RUVBL1: variants seen among roughly 807,000 people sequenced by gnomAD.
The protein encoded by RUVBL1 is ruvB-like 1.
A neutral mutation model predicts 52.4 loss-of-function variants in RUVBL1; 4 were observed. That is an observed-to-expected ratio of 0.08 (90% confidence interval 0.04 to 0.17). RUVBL1 has a LOEUF of 0.17. Ranked by LOEUF, RUVBL1 falls within the 10% of genes least tolerant of loss-of-function variation. The probability of loss-of-function intolerance (pLI) is 1.00; values close to 1 mark genes in which losing one functional copy is unlikely to be tolerated. For synonymous variants in RUVBL1, 217 were observed against 214.4 expected, an observed-to-expected ratio of 1.01 and a Z score of -0.10; for missense variants, 298 against 572.8, an observed-to-expected ratio of 0.52 and a Z score of 4.90.
intron 9 of RUVBL1, chr3:128,065,299 T>C (rs1941932758): frequency 3.3e-6 from 2 of 597,276 alleles, no homozygotes; most frequent in Non-Finnish European, 6.0e-6. Context: ...TATCGACAGG[T>C]AAGATACATT....
chr3:128,116,170 A>G (rs1186679565), intron 2 of RUVBL1, among the ~76,000 whole-genome samples: 1 of 151,674 alleles, frequency 6.6e-6, no homozygotes, highest in African/African-American at 2.4e-5. Context: ...ACAAACAAAA[A>G]CATTACAATT....
intron 1 of RUVBL1, among the ~76,000 whole-genome samples, chr3:128,135,270 T>G (rs749165873): frequency 1.2e-3 from 179 of 152,342 alleles, no homozygotes; most frequent in Middle Eastern, 6.8e-3. Context: ...TGGTGGCTCA[T>G]GCCTGTAATC....
intron 3 of RUVBL1, among the ~76,000 whole-genome samples, chr3:128,107,212 C>T (rs752298547): frequency 6.6e-6 from 1 of 152,214 alleles, no homozygotes; most frequent in Non-Finnish European, 1.5e-5. Flanking sequence ...TAATGAATCA[C>T]GCCCTGGCTG....
intron 9 of RUVBL1, among the ~76,000 whole-genome samples, chr3:128,072,237 ACTCTCCCCAGTCCTGGACAGGGC>A (rs557874464): frequency 4.0e-4 from 60 of 150,974 alleles, no homozygotes; most frequent in African/African-American, 1.4e-3. Context: ...CCACATTTCC[ACTCTCCCCAGTCCTGGACAGGGC>A]CTCACCCCAA....
chr3:128,087,143 G>A (rs1027916500), intron 9 of RUVBL1, among the ~76,000 whole-genome samples: 1 of 152,256 alleles, frequency 6.6e-6, no homozygotes, highest in African/African-American at 2.4e-5. Context: ...CAAAGCTGCC[G>A]AGAAACTTGT....
intron 9 of RUVBL1, chr3:128,069,776 C>T (rs1377220391): frequency 9.5e-6 from 9 of 949,034 alleles, no homozygotes; most frequent in Admixed American, 7.3e-5. Flanking sequence ...TTTTGAATTT[C>T]GTATTCTTTC....
In RUVBL1 at chr3:128,081,879, A is replaced by T. The variant is rs367984040; in HGVS notation, c.1212-470T>A. 6.1e-6 allele frequency: 1 copy of T among 164,144 alleles called. No homozygotes were observed. Among genetic ancestry groups the T allele is most frequent in the East Asian group, 1.7e-4 (1 of 5,814 alleles). The allele number at this position is 164,144 out of a possible 1,614,324, so 10.2% of individuals were successfully genotyped here. ...AGCTTGCATTTCTGCCTTCAACCTC[A>T]GGAGCAAGAACTGACTCAAGGGATG... On this transcript the variant is annotated intron_variant, in intron 10 of 10. Transcript: ENST00000322623. The surrounding 1 kb of genome is among the most constrained non-coding windows in gnomAD (Gnocchi z 4.8).
chr3:128,147,173 G>C (rs1332005881), intron 1 of RUVBL1, among the ~76,000 whole-genome samples: 1 of 152,132 alleles, frequency 6.6e-6, no homozygotes, highest in Non-Finnish European at 1.5e-5. Context: ...GGGGTCAAGG[G>C]ATCCGCGCAC....
intron 1 of RUVBL1, among the ~76,000 whole-genome samples, chr3:128,134,307 A>G (rs762195011): frequency 6.6e-6 from 1 of 151,862 alleles, no homozygotes; most frequent in Non-Finnish European, 1.5e-5. Flanking sequence ...TACTAAAAAT[A>G]CAAATGTTAC....
chr3:128,095,119 G>T (rs113911300), intron 8 of RUVBL1, among the ~76,000 whole-genome samples: 6 of 152,320 alleles, frequency 3.9e-5, no homozygotes, highest in African/African-American at 1.4e-4. Flanking sequence ...CAAATCTCCC[G>T]GGTCTCAGGC....
At chr3:128,141,295 C>G (rs529887832) in intron 1 of RUVBL1, among the ~76,000 whole-genome samples, 42 of 152,304 alleles carry the variant, frequency 2.8e-4, no homozygotes, top group South Asian at 1.5e-3. Flanking sequence ...CCTTACCTCA[C>G]AAAATGTCCC....
At chr3:128,068,493 TAG>T (rs1359412809) in intron 9 of RUVBL1, 1 of 168,292 alleles carries the variant, frequency 5.9e-6, no homozygotes, top group Admixed American at 5.8e-5. Flanking sequence ...GCATTAAGGC[TAG>T]AGAGGCTGGC....
intron 4 of RUVBL1, among the ~76,000 whole-genome samples, chr3:128,103,694 A>T (rs1407815970): frequency 6.6e-6 from 1 of 152,248 alleles, no homozygotes; most frequent in Non-Finnish European, 1.5e-5. Context: ...CAGCTCTGCC[A>T]CATGACTGGC....
chr3:128,109,348 C>A (rs1377458690), intron 3 of RUVBL1, among the ~76,000 whole-genome samples: 2 of 152,128 alleles, frequency 1.3e-5, no homozygotes, highest in African/African-American at 2.4e-5. Flanking sequence ...GAGTTCGAGA[C>A]CACCTGGGCA....
intron 9 of RUVBL1, chr3:128,066,950 T>C: frequency 1.2e-6 from 2 of 1,614,144 alleles, no homozygotes; most frequent in Non-Finnish European, 1.7e-6. Flanking sequence ...GTTTGGCTTC[T>C]CAGGGCTTCC....
chr3:128,144,922 A>G (rs560247990), intron 1 of RUVBL1, among the ~76,000 whole-genome samples: 1 of 152,306 alleles, frequency 6.6e-6, no homozygotes, highest in East Asian at 1.9e-4. Context: ...GCAGGGGCAC[A>G]TGACTTCATC....
chr3:128,124,570 A>T (rs141384838), upstream of RUVBL1, among the ~76,000 whole-genome samples: 2 of 152,294 alleles, frequency 1.3e-5, no homozygotes, highest in African/African-American at 4.8e-5. Flanking sequence ...TTTCATAATG[A>T]TATTAGCACA....
Position 128,072,914 on chromosome 3 carries a change from A to AT in RUVBL1, c.940-7695dup, listed in dbSNP as rs140960491. Among the ~76,000 whole-genome samples the AT allele has an allele frequency of 7.3e-3, 1,105 of 152,230 alleles. 8 individuals carry two copies. The highest frequency in any genetic ancestry group is 0.014 in the Middle Eastern group (4 of 294). On this transcript the variant is annotated intron_variant, in intron 9 of 9. Transcript: ENST00000464873. ...ATGCACAGGGAACTAATGCACAGTGATGGGGGGGTAAGGCTTACTCTGCTT... is the reference window on the plus strand; with the variant it reads ...ATGCACAGGGAACTAATGCACAGTGATTGGGGGGGTAAGGCTTACTCTGCTT...
exon 1 of RUVBL1, chr3:128,153,490 C>G (rs548696448): frequency 6.1e-6 from 9 of 1,477,816 alleles, no homozygotes; most frequent in African/African-American, 1.5e-5. Flanking sequence ...GGCGGGTGTC[C>G]GAGGCGGCGG....
Sources: allele counts gnomAD v4.1 joint callset (sites outside exome capture counted in the v4.1 genomes callset), GRCh38; gene constraint gnomAD v4.1.1; non-coding constraint Gnocchi (gnomAD v3.1); transcripts MANE v1.5; gene names NCBI Gene and HGNC (gene_info 2026-07-23, HGNC 2026-07-21).